The following PPP3CC variants were observed in gnomAD, a reference collection of about 807,000 sequenced individuals.
The protein encoded by PPP3CC is protein phosphatase 3 catalytic subunit gamma.
PPP3CC carries 35 observed loss-of-function variants against 60.3 expected under a neutral mutation model. That is an observed-to-expected ratio of 0.58 (90% CI 0.44 to 0.77). The LOEUF is 0.77. Among genes scored for constraint, PPP3CC ranks in the 30% least tolerant of loss-of-function variants. The probability of loss-of-function intolerance (pLI) is 0.00; values close to 1 mark genes in which losing one functional copy is unlikely to be tolerated. For missense variants in PPP3CC, 570 were observed against 628.9 expected (o/e 0.91, Z 1.00); for synonymous variants, 206 against 224.3 (o/e 0.92, Z 0.73).
chr8:22,482,478 G>A (rs900971194), intron 3 of PPP3CC, among the ~76,000 whole-genome samples: 1 of 152,110 alleles, frequency 6.6e-6, no homozygotes, highest in African/African-American at 2.4e-5. Context: ...CTCCCATTCT[G>A]TAGGTTACCT....
At position 22,475,006 on chromosome 8, in the gene PPP3CC, T is replaced by C. The variant is rs191180753; in HGVS notation, c.102T>C (p.Asn34=). 4 of 1,611,656 alleles carry C rather than the reference T, an allele frequency of 2.5e-6. No homozygotes were observed. In the African/African-American group the frequency reaches 5.3e-5, roughly 21 times the overall value. ...TTACTTTCAAGGAAGTATTTGAGAATGGGAAACCTAAAGTTGATGTTTTAA... is the reference window on the plus strand; with the variant it reads ...TTACTTTCAAGGAAGTATTTGAGAACGGGAAACCTAAAGTTGATGTTTTAA... The part of the protein sequence containing the change: ...QRLTFKEVFE[N]GKPKVDVLKN... The change falls in exon 2 of 14, where the codon AAT becomes AAC. Residue 34 remains asparagine (N), a synonymous_variant. Transcript: ENST00000240139.
chr8:22,457,145 A>C (rs1021654940), intron 1 of PPP3CC, among the ~76,000 whole-genome samples: 3 of 149,154 alleles, frequency 2.0e-5, no homozygotes, highest in African/African-American at 7.4e-5. Flanking sequence ...TAATATTGAA[A>C]TATTTCGTTA....
intron 11 of PPP3CC, 56 bp downstream of exon 11, chr8:22,532,362 C>A: frequency 7.0e-7 from 1 of 1,424,900 alleles, no homozygotes; most frequent in Non-Finnish European, 9.8e-7. Flanking sequence ...GTAAATTAGA[C>A]GTCGAATTCA....
chr8:22,451,963 TGTC>T (rs1044682611), intron 1 of PPP3CC, among the ~76,000 whole-genome samples: 1 of 152,182 alleles, frequency 6.6e-6, no homozygotes, highest in African/African-American at 2.4e-5. Context: ...AAGTCATACT[TGTC>T]GTCCTAGAAT....
chr8:22,511,051 A>T, intron 4 of PPP3CC, 35 bp from the exon 5 acceptor site: 1 of 1,606,248 alleles, frequency 6.2e-7, no homozygotes, highest in Non-Finnish European at 8.5e-7. Context: ...GATACGTTTT[A>T]GTTCTTCCAT....
At chr8:22,489,803 A>T (rs1452952986) in intron 3 of PPP3CC, among the ~76,000 whole-genome samples, 2 of 144,700 alleles carry the variant, frequency 1.4e-5, no homozygotes, top group African/African-American at 5.1e-5. Flanking sequence ...TATTATATAC[A>T]TACATAACAA....
chr8:22,499,510 A>G (rs1838701829), intron 4 of PPP3CC, among the ~76,000 whole-genome samples: 1 of 152,176 alleles, frequency 6.6e-6, no homozygotes, highest in Non-Finnish European at 1.5e-5. Flanking sequence ...AACAGATAAC[A>G]TGGTGGGAGG....
In PPP3CC at chr8:22,532,935, G is replaced by A; in HGVS notation, c.1238G>A (p.Ser413Asn). The change falls in exon 12 of 14, where the codon AGT becomes AAT. Residue 413 changes from serine (S) to asparagine (N), a missense_variant. Physicochemically the swap from Ser to Asn is conservative, Grantham distance 46. Transcript: ENST00000240139. ...TCCCTTTGCAGGCAAGAAAGTGAGA[G>A]TGTGCTGACTCTCAAGGGCCTGACT... is the stretch of plus-strand genomic sequence containing the variant. The part of the protein sequence containing the change: ...VFSILRQESE[S>N]VLTLKGLTPT... 6.3e-7 allele frequency: 1 copy of A among 1,596,110 alleles called. No homozygotes were observed. The highest frequency in any genetic ancestry group is 8.5e-7 in the Non-Finnish European group (1 of 1,170,600).
intron 4 of PPP3CC, among the ~76,000 whole-genome samples, chr8:22,502,325 G>A (rs1201215794): frequency 1.3e-5 from 2 of 152,178 alleles, no homozygotes; most frequent in East Asian, 3.9e-4. Context: ...TAATCTAAAT[G>A]TCAACAAGAC....
At chr8:22,477,895 G>A (rs537210653) in intron 3 of PPP3CC, among the ~76,000 whole-genome samples, 1 of 152,094 alleles carries the variant, frequency 6.6e-6, no homozygotes, top group African/African-American at 2.4e-5. Flanking sequence ...TTGTTGCCCA[G>A]GCTAGAGTGC....
At chr8:22,532,818 C>A in intron 11 of PPP3CC, 103 bp from the exon 12 acceptor site, 1 of 713,324 alleles carries the variant, frequency 1.4e-6, no homozygotes, top group Admixed American at 3.8e-5. Context: ...GTAGGAGAAC[C>A]TATCTTCCAT....
chr8:22,517,190 C>G (rs930030912), intron 6 of PPP3CC, among the ~76,000 whole-genome samples: 2 of 152,224 alleles, frequency 1.3e-5, no homozygotes, highest in African/African-American at 2.4e-5. Context: ...AAGTGATACT[C>G]TGCCTTCTTT....
Position 22,527,381 on chromosome 8 carries a change from T to A in PPP3CC, c.944-11T>A. On this transcript the variant is annotated splice_polypyrimidine_tract_variant and intron_variant, in intron 8 of 13. Coordinates refer to ENST00000240139, the MANE Select transcript of PPP3CC (RefSeq NM_005605.5). ...CTCTGTGCCAGATTTTCTTGCTTTTTTCCTTTTTAGCTGCTGTGTTGAAAT... is the reference window on the plus strand; with the variant it reads ...CTCTGTGCCAGATTTTCTTGCTTTTATCCTTTTTAGCTGCTGTGTTGAAAT... 1 of 1,613,590 alleles carries A rather than the reference T, an allele frequency of 6.2e-7. No homozygotes were observed. Among genetic ancestry groups the A allele is most frequent in the Non-Finnish European group, 8.5e-7 (1 of 1,179,594 alleles).
intron 1 of PPP3CC, among the ~76,000 whole-genome samples, chr8:22,465,007 G>A (rs933541297): frequency 6.6e-5 from 10 of 150,474 alleles, no homozygotes; most frequent in South Asian, 2.1e-4. Flanking sequence ...ACCTAGGCTG[G>A]AATGCAGTGG....
intron 3 of PPP3CC, among the ~76,000 whole-genome samples, chr8:22,491,217 G>A (rs1035910085): frequency 6.6e-6 from 1 of 152,190 alleles, no homozygotes; most frequent in African/African-American, 2.4e-5. Flanking sequence ...AGGAGAAAGG[G>A]TGTATGCATT....
chr8:22,450,244 T>C (rs1317704021), intron 1 of PPP3CC, among the ~76,000 whole-genome samples: 1 of 152,204 alleles, frequency 6.6e-6, no homozygotes, highest in African/African-American at 2.4e-5. Flanking sequence ...ATCCAAATAT[T>C]ACCCAGACAG....
At chr8:22,467,598 A>G (rs185076178) in intron 1 of PPP3CC, among the ~76,000 whole-genome samples, 21 of 152,008 alleles carry the variant, frequency 1.4e-4, no homozygotes, top group African/African-American at 5.1e-4. Context: ...CACCCGGCTA[A>G]TTTTTTATTT....
At chr8:22,444,930 A>G (rs1340497062) in intron 1 of PPP3CC, among the ~76,000 whole-genome samples, 2 of 152,202 alleles carry the variant, frequency 1.3e-5, no homozygotes, top group African/African-American at 4.8e-5. Context: ...TTATAAAAGC[A>G]GTTTATTTCC....
chr8:22,454,151 T>C (rs556747675), intron 1 of PPP3CC, among the ~76,000 whole-genome samples: 37 of 152,368 alleles, frequency 2.4e-4, no homozygotes, highest in Admixed American at 4.6e-4. Flanking sequence ...CACAAACACA[T>C]ATAGCTGTAC....
Sources: allele counts gnomAD v4.1 joint callset (sites outside exome capture counted in the v4.1 genomes callset), GRCh38; gene constraint gnomAD v4.1.1; transcripts MANE v1.5; gene names NCBI Gene and HGNC (gene_info 2026-07-23, HGNC 2026-07-21).